The following ITIH2 variants were observed in gnomAD, a reference collection of about 807,000 sequenced individuals.
The protein encoded by ITIH2 is inter-alpha-trypsin inhibitor heavy chain H2.
A neutral mutation model predicts 104.4 loss-of-function variants in ITIH2; 103 were observed. That is an observed-to-expected ratio of 0.99 (90% confidence interval 0.84 to 1.16). ITIH2 has a LOEUF of 1.16. ITIH2 is among the 50% of genes most tolerant of loss of function. The pLI, the probability that ITIH2 is intolerant of heterozygous loss-of-function variation, is 0.00. For synonymous variants in ITIH2, 436 were observed against 435.4 expected (o/e 1.00, Z -0.02); for missense variants, 1,108 against 1,162.4 (o/e 0.95, Z 0.68).
intron 5 of ITIH2, among the ~76,000 whole-genome samples, chr10:7,716,411 T>C (rs146137566): frequency 8.5e-4 from 129 of 152,284 alleles, no homozygotes; most frequent in Middle Eastern, 6.8e-3. Flanking sequence ...GAACTCAGTA[T>C]GTATGTGACT....
Position 7,705,158 on chromosome 10 carries a change from G to A in ITIH2, c.135G>A (p.Leu45=). 1.9e-6 allele frequency: 3 copies of A among 1,612,238 alleles called. No individual in the cohort carries two copies. Among genetic ancestry groups the A allele is most frequent in the Non-Finnish European group, 8.5e-7 (1 of 1,178,572 alleles). ...AACTGGCCCCAGGCAAATTTCAATT[G>A]GTGGCAGAGAACCGGAGATATCAGG... ...LVELAPGKFQ[L]VAENRRYQRS... The change falls in exon 2 of 21, where the codon TTG becomes TTA. Residue 45 remains leucine (L), a synonymous_variant. Coordinates refer to ENST00000358415, the MANE Select transcript of ITIH2 (RefSeq NM_002216.3).
chr10:7,742,140 T>C (rs10466275), intron 16 of ITIH2, among the ~76,000 whole-genome samples: 2,252 of 152,320 alleles, frequency 0.015, 63 homozygotes, highest in African/African-American at 0.049. Flanking sequence ...CCATGACTTA[T>C]GTTTATAGTT....
At chr10:7,709,732 T>A (rs190415570) in intron 4 of ITIH2, among the ~76,000 whole-genome samples, 1 of 152,234 alleles carries the variant, frequency 6.6e-6, no homozygotes, top group East Asian at 1.9e-4. Context: ...TCCTTTCTTA[T>A]ACTTCAAATA....
At position 7,749,512 on chromosome 10, in the gene ITIH2, T is replaced by C; in HGVS notation, c.*178T>C. 1 of 518,916 alleles carries C rather than the reference T, an allele frequency of 1.9e-6. No individual in the cohort carries two copies. Among genetic ancestry groups the C allele is most frequent in the Non-Finnish European group, 3.3e-6 (1 of 298,658 alleles). The allele number at this position is 518,916 out of a possible 1,614,324, so 32.1% of individuals were successfully genotyped here. On this transcript the variant is annotated 3_prime_UTR_variant, in exon 21 of 21. Transcript: ENST00000358415. ...AACACACCTAAGAAAATAAACATTT[T>C]ACAAATGAGCTTTTAGGATTTTGTT... is the stretch of plus-strand genomic sequence containing the variant.
chr10:7,704,728 T>G (rs1395299793), intron 1 of ITIH2, among the ~76,000 whole-genome samples: 1 of 151,814 alleles, frequency 6.6e-6, no homozygotes, highest in African/African-American at 2.4e-5. Flanking sequence ...TGCCCAGAGG[T>G]AGAGGAAAGA....
chr10:7,745,011 T>C (rs749403242), intron 19 of ITIH2, 48 bp downstream of exon 19: 3 of 1,534,004 alleles, frequency 2.0e-6, no homozygotes, highest in African/African-American at 2.7e-5. Context: ...GCTCTAATTC[T>C]TTAGCAGCTT....
intron 6 of ITIH2, 147 bp from the exon 7 acceptor site, chr10:7,720,709 C>T: frequency 3.6e-6 from 2 of 555,998 alleles, no homozygotes; most frequent in South Asian, 4.0e-5. Flanking sequence ...CAGGAACTTG[C>T]AGATCCTGCA....
chr10:7,703,356 T>C lies in ITIH2; in HGVS notation c.-79T>C, dbSNP rs1834714380. ...GAACTGTACTCCTCTGCTGTTCCTT[T>C]GAACTTGGTTCAGTAGGAAGAAGTG... On this transcript the variant is annotated 5_prime_UTR_variant, in exon 1 of 21. Transcript: ENST00000358415. 5.9e-5 allele frequency: 54 copies of C among 923,058 alleles called. No homozygotes were observed. In the South Asian group the frequency reaches 7.0e-4, roughly 12 times the overall value. 57.2% of individuals were successfully genotyped at this position (923,058 alleles called of 1,614,324 possible). A position where few individuals can be genotyped will look rare whatever the true frequency, so the allele number is the denominator to read the frequency against.
chr10:7,739,793 G>GT (rs1309897891), intron 16 of ITIH2, among the ~76,000 whole-genome samples: 1 of 152,184 alleles, frequency 6.6e-6, no homozygotes, highest in Admixed American at 6.5e-5. Flanking sequence ...AGAGGTTGAG[G>GT]TGGGAGGTTT....
chr10:7,741,494 A>G (rs1835124591), intron 16 of ITIH2, among the ~76,000 whole-genome samples: 1 of 152,112 alleles, frequency 6.6e-6, no homozygotes, highest in African/African-American at 2.4e-5. Flanking sequence ...GTGTTTTTAC[A>G]ATGCCCTGTA....
At chr10:7,714,165 A>ATTTTTTTTTTTTTTTTTTTTTTT (rs996413668) in intron 5 of ITIH2, among the ~76,000 whole-genome samples, 1 of 84,044 alleles carries the variant, frequency 1.2e-5, no homozygotes, top group African/African-American at 5.1e-5. Flanking sequence ...CACACTCACT[A>ATTTTTTTTTTTTTTTTTTTTTTT]TTTTTTTTTT....
intron 11 of ITIH2, among the ~76,000 whole-genome samples, chr10:7,729,179 G>A (rs909999385): frequency 2.6e-5 from 4 of 152,140 alleles, no homozygotes; most frequent in Non-Finnish European, 5.9e-5. Flanking sequence ...CTGACAGGGC[G>A]GCGTGTGCCT....
chr10:7,744,141 AC>A lies in ITIH2; in HGVS notation c.2271del (p.Tyr758IlefsTer14). On this transcript the variant is annotated frameshift_variant, in exon 18 of 21. Coordinates refer to ENST00000358415, the MANE Select transcript of ITIH2 (RefSeq NM_002216.3). LOFTEE classifies it high-confidence loss of function. ...AKKPNNGKLS[T>X]YFGKLGFYFQ... is the part of the protein sequence containing the mutation. ...GAAGCCCAACAATGGAAAACTAAGCACCTATTTTGGAAAACTGGGATTTTAT... is the reference window on the plus strand; with the variant it reads ...GAAGCCCAACAATGGAAAACTAAGCACTATTTTGGAAAACTGGGATTTTAT... The A allele has an allele frequency of 6.2e-7, 1 of 1,614,076 alleles. No individual in the cohort carries two copies. Among genetic ancestry groups the A allele is most frequent in the African/African-American group, 1.3e-5 (1 of 75,018 alleles).
intron 14 of ITIH2, among the ~76,000 whole-genome samples, chr10:7,734,031 G>C (rs142573765): frequency 8.1e-4 from 123 of 152,072 alleles, no homozygotes; most frequent in African/African-American, 2.7e-3. Context: ...CCTATAAAAA[G>C]ATCAGCAGTT....
intron 9 of ITIH2, 91 bp from the exon 10 acceptor site, chr10:7,726,859 A>G (rs1175450943): frequency 4.4e-6 from 5 of 1,136,440 alleles, no homozygotes; most frequent in Middle Eastern, 3.1e-4. Flanking sequence ...AAGAACTTGA[A>G]AGATGACCAG....
At position 7,732,820 on chromosome 10, in the gene ITIH2, C is replaced by T. The variant is rs113591091; in HGVS notation, c.1787+343C>T. ...TCAGCTCACTGCAAGCTCCGCCTCC[C>T]GGGTTCACACCATTCTCCTGCCTCA... On this transcript the variant is annotated intron_variant, in intron 14 of 20. Transcript: ENST00000358415. Among the ~76,000 whole-genome samples the T allele has an allele frequency of 9.5e-4, 144 of 152,210 alleles. 1 individual carries two copies. Among genetic ancestry groups the T allele is most frequent in the African/African-American group, 3.4e-3 (143 of 41,532 alleles).
intron 19 of ITIH2, 62 bp downstream of exon 19, chr10:7,745,025 T>G (rs1365233415): frequency 2.8e-6 from 4 of 1,445,424 alleles, no homozygotes; most frequent in Non-Finnish European, 3.9e-6. Context: ...GCAGCTTTGG[T>G]TGACAGTGGT....
chr10:7,715,810 C>T (rs11255303), intron 5 of ITIH2, among the ~76,000 whole-genome samples: 16,210 of 152,196 alleles, frequency 0.11, 945 homozygotes, highest in Admixed American at 0.18. Flanking sequence ...GGCGTGATCT[C>T]GCTCACTGCA....
At chr10:7,709,782 T>C (rs1184979101) in intron 4 of ITIH2, among the ~76,000 whole-genome samples, 2 of 152,330 alleles carry the variant, frequency 1.3e-5, no homozygotes, top group Non-Finnish European at 2.9e-5. Flanking sequence ...GATAATCACA[T>C]AGAATTTTTA....
Sources: allele counts gnomAD v4.1 joint callset (sites outside exome capture counted in the v4.1 genomes callset), GRCh38; gene constraint gnomAD v4.1.1; transcripts MANE v1.5; gene names NCBI Gene and HGNC (gene_info 2026-07-23, HGNC 2026-07-21).